FHOD3: variants seen among roughly 807,000 people sequenced by gnomAD.
FHOD3 encodes the protein formin homology 2 domain containing 3.
Under a neutral mutation model 173.0 loss-of-function variants are expected in FHOD3, and 90 were observed. The observed-to-expected ratio is 0.52, with a 90% CI of 0.44 to 0.62. The LOEUF (loss-of-function observed/expected upper bound fraction) is 0.62, where lower values mean the gene tolerates loss of function less well. Ranked by LOEUF, FHOD3 falls within the 20% of genes least tolerant of loss-of-function variation. FHOD3 has a pLI of 0.00. For synonymous variants in FHOD3, 828 were observed against 823.0 expected, an observed-to-expected ratio of 1.01 and a Z score of -0.10; for missense variants, 1,945 against 2,034.7, an observed-to-expected ratio of 0.96 and a Z score of 0.85.
At chr18:36,493,249 G>A (rs2054563056) in intron 3 of FHOD3, among the ~76,000 whole-genome samples, 1 of 146,362 alleles carries the variant, frequency 6.8e-6, no homozygotes, top group Non-Finnish European at 1.5e-5. Context: ...GTATATGGAG[G>A]CCATAACTCC....
At chr18:36,653,022 T>C (rs1163508310) in intron 12 of FHOD3, 93 bp downstream of exon 12, 1 of 1,428,938 alleles carries the variant, frequency 7.0e-7, no homozygotes, top group African/African-American at 1.4e-5. Flanking sequence ...TTCTGCCATG[T>C]TTTTTTGTGG....
intron 5 of FHOD3, among the ~76,000 whole-genome samples, chr18:36,547,420 G>T (rs11659804): frequency 0.28 from 42,859 of 151,966 alleles, 6,315 homozygotes; most frequent in Middle Eastern, 0.34. Flanking sequence ...AGGTAGATTT[G>T]TCACAGGTTA....
At chr18:36,587,544 C>G (rs2059077212) in intron 6 of FHOD3, among the ~76,000 whole-genome samples, 3 of 152,190 alleles carry the variant, frequency 2.0e-5, no homozygotes, top group Admixed American at 2.0e-4. Flanking sequence ...GTAATCCTAG[C>G]ACTTTGGGAG....
At chr18:36,667,011 G>T (rs2037225863) in intron 14 of FHOD3, among the ~76,000 whole-genome samples, 1 of 152,114 alleles carries the variant, frequency 6.6e-6, no homozygotes, top group Non-Finnish European at 1.5e-5. Context: ...GTGTAATCAG[G>T]CAGTATATAC....
chr18:36,611,323 G>A (rs971630248), intron 8 of FHOD3, among the ~76,000 whole-genome samples: 4 of 152,162 alleles, frequency 2.6e-5, no homozygotes, highest in East Asian at 3.9e-4. Flanking sequence ...CACAGCTTCC[G>A]TGGGGCAGGG....
chr18:36,534,147 A>G (rs919574083), intron 5 of FHOD3, among the ~76,000 whole-genome samples: 3 of 152,192 alleles, frequency 2.0e-5, no homozygotes, highest in Non-Finnish European at 4.4e-5. Context: ...AGCCAACTCT[A>G]ATTCCTATTG....
intron 13 of FHOD3, among the ~76,000 whole-genome samples, chr18:36,656,931 A>C (rs971865128): frequency 1.3e-5 from 2 of 152,250 alleles, no homozygotes; most frequent in Non-Finnish European, 2.9e-5. Flanking sequence ...AAAAAGAAAA[A>C]AGATAAATAA....
chr18:36,440,515 G>A (rs1276817136), intron 3 of FHOD3, among the ~76,000 whole-genome samples: 2 of 152,218 alleles, frequency 1.3e-5, no homozygotes, highest in Non-Finnish European at 2.9e-5. Flanking sequence ...CAAATGAAGG[G>A]GCTCCTCCGG....
At chr18:36,656,176 CTT>C (rs2036415818) in intron 13 of FHOD3, among the ~76,000 whole-genome samples, 1 of 152,184 alleles carries the variant, frequency 6.6e-6, no homozygotes, top group Non-Finnish European at 1.5e-5. Context: ...TTCTTTCCCT[CTT>C]TGCTCATTGG....
chr18:36,695,180 TA>T (rs537635100), intron 17 of FHOD3, among the ~76,000 whole-genome samples: 22,375 of 143,584 alleles, frequency 0.16, 1,761 homozygotes, highest in Non-Finnish European at 0.19. Context: ...CGGTCTCTGC[TA>T]AAAAAAAAAA....
intron 3 of FHOD3, among the ~76,000 whole-genome samples, chr18:36,477,525 A>G (rs1465952709): frequency 1.5e-5 from 1 of 66,878 alleles, no homozygotes; most frequent in Non-Finnish European, 2.8e-5. Flanking sequence ...CCATCCATCC[A>G]TCCACCCACC....
chr18:36,375,925 C>T (rs1452742387), intron 3 of FHOD3, among the ~76,000 whole-genome samples: 4 of 152,256 alleles, frequency 2.6e-5, no homozygotes, highest in South Asian at 4.1e-4. Flanking sequence ...GAACGCTGCA[C>T]TTGCCTTCTT....
chr18:36,458,400 T>G (rs1041405084), intron 3 of FHOD3, among the ~76,000 whole-genome samples: 1 of 151,636 alleles, frequency 6.6e-6, no homozygotes, highest in Non-Finnish European at 1.5e-5. Flanking sequence ...ATTAAAAAAC[T>G]TTTTTGGCAG....
intron 19 of FHOD3, among the ~76,000 whole-genome samples, chr18:36,720,236 C>CTTTTTTT (rs35295640): frequency 6.7e-5 from 8 of 119,184 alleles, no homozygotes; most frequent in African/African-American, 1.3e-4. Context: ...CGTTCCAATT[C>CTTTTTTT]TTTTTTTTTT....
At chr18:36,514,972 A>G (rs545493899) in intron 5 of FHOD3, among the ~76,000 whole-genome samples, 1 of 152,208 alleles carries the variant, frequency 6.6e-6, no homozygotes, top group Admixed American at 6.5e-5. Flanking sequence ...GCATAGAGGG[A>G]GTTCGGAAAG....
At position 36,749,434 on chromosome 18, in the gene FHOD3, G is replaced by A. The variant is rs555802128; in HGVS notation, c.4232+2299G>A. Among the ~76,000 whole-genome samples, 6 of 152,206 alleles carry A rather than the reference G, an allele frequency of 3.9e-5. No individual in the cohort carries two copies. The South Asian group carries it at 1.2e-3, about 32-fold the overall frequency. ...TATAAATGAGAACATGTGATATTTG[G>A]TTTTCTGTTCCCGTGTTGGTTTGCT... On this transcript the variant is annotated intron_variant, in intron 24 of 28. Coordinates refer to ENST00000590592, the MANE Select transcript of FHOD3 (RefSeq NM_001281740.3).
intron 3 of FHOD3, among the ~76,000 whole-genome samples, chr18:36,482,852 C>CAGAGAG (rs1261400888): frequency 2.0e-5 from 2 of 101,234 alleles, no homozygotes; most frequent in African/African-American, 7.8e-5. Context: ...CACACTCACA[C>CAGAGAG]ACACACAGAG....
intron 3 of FHOD3, among the ~76,000 whole-genome samples, chr18:36,417,141 T>G (rs563069675): frequency 6.6e-6 from 1 of 152,208 alleles, no homozygotes; most frequent in Non-Finnish European, 1.5e-5. Context: ...CATAGGGATT[T>G]GTTGTACAGA....
chr18:36,633,961 C>T (rs1239176544), intron 10 of FHOD3, among the ~76,000 whole-genome samples: 1 of 152,164 alleles, frequency 6.6e-6, no homozygotes, highest in Non-Finnish European at 1.5e-5. Flanking sequence ...TGGAACAAGG[C>T]TTTCCAGTTA....
Sources: allele counts gnomAD v4.1 joint callset (sites outside exome capture counted in the v4.1 genomes callset), GRCh38; gene constraint gnomAD v4.1.1; transcripts MANE v1.5; gene names NCBI Gene and HGNC (gene_info 2026-07-23, HGNC 2026-07-21).